CMSS1: variants seen among roughly 807,000 people sequenced by gnomAD.
CMSS1 encodes cms1 ribosomal small subunit homolog, also known as protein CMSS1.
In CMSS1, 33 loss-of-function variants were observed where a neutral mutation model predicts 43.5. The observed-to-expected ratio is 0.76, with a 90% CI of 0.57 to 1.01. The LOEUF (loss-of-function observed/expected upper bound fraction) is 1.01. CMSS1 is among the 50% of genes least tolerant of loss of function. CMSS1 has a pLI of 0.00. For synonymous variants in CMSS1, 115 were observed against 117.2 expected (o/e 0.98, Z 0.12); for missense variants, 313 against 326.4 (o/e 0.96, Z 0.32).
chr3:100,114,762 A>T (rs919616335), intron 1 of CMSS1, among the ~76,000 whole-genome samples: 1 of 152,158 alleles, frequency 6.6e-6, no homozygotes, highest in Non-Finnish European at 1.5e-5. Flanking sequence ...ATGGACATTA[A>T]ATTGCACCTC....
At chr3:99,930,171 G>C in intron 1 of CMSS1, 1 of 693,866 alleles carries the variant, frequency 1.4e-6, no homozygotes, top group Non-Finnish European at 2.4e-6. Flanking sequence ...TTTATAAAAG[G>C]TAACAAAACT....
At chr3:100,116,995 A>C (rs533384239) in intron 1 of CMSS1, among the ~76,000 whole-genome samples, 1 of 152,202 alleles carries the variant, frequency 6.6e-6, no homozygotes, top group African/African-American at 2.4e-5. Flanking sequence ...ATGGCAAGGT[A>C]GGTATTAGAA....
chr3:100,047,510 C>A (rs1041234832), intron 1 of CMSS1, among the ~76,000 whole-genome samples: 1 of 152,124 alleles, frequency 6.6e-6, no homozygotes, highest in Non-Finnish European at 1.5e-5. Flanking sequence ...CTGAAACCAG[C>A]GAGGGTCATA....
intron 1 of CMSS1, among the ~76,000 whole-genome samples, chr3:99,944,793 T>C (rs1048757161): frequency 5.9e-5 from 9 of 152,158 alleles, no homozygotes; most frequent in Non-Finnish European, 1.0e-4. Context: ...CAGCACTGAC[T>C]ATATCAATAA....
At chr3:100,154,303 G>C (rs566661032) in intron 2 of CMSS1, among the ~76,000 whole-genome samples, 15 of 152,068 alleles carry the variant, frequency 9.9e-5, no homozygotes, top group Non-Finnish European at 1.9e-4. Context: ...AGTGATGTTT[G>C]TATAGTGTTC....
chr3:100,029,287 T>G (rs1172871726), intron 1 of CMSS1, among the ~76,000 whole-genome samples: 2 of 152,000 alleles, frequency 1.3e-5, no homozygotes, highest in Non-Finnish European at 2.9e-5. Flanking sequence ...AAAAATAAAT[T>G]TACTTATTTG....
intron 1 of CMSS1, among the ~76,000 whole-genome samples, chr3:100,087,073 T>A (rs1012355580): frequency 6.6e-6 from 1 of 152,258 alleles, no homozygotes; most frequent in African/African-American, 2.4e-5. Flanking sequence ...GTCATACAGC[T>A]GTACCATAGT....
At chr3:100,142,304 G>T (rs1197099296) in intron 1 of CMSS1, among the ~76,000 whole-genome samples, 2 of 151,328 alleles carry the variant, frequency 1.3e-5, no homozygotes, top group African/African-American at 2.4e-5. Flanking sequence ...AAAAATATTT[G>T]AAAAAAAATG....
chr3:100,178,184 ACT>A (rs1472006492), intron 9 of CMSS1, 119 bp from the exon 10 acceptor site: 1 of 580,178 alleles, frequency 1.7e-6, no homozygotes, highest in South Asian at 2.3e-5. Context: ...GGACTTTTGC[ACT>A]CTCTGATTCT....
At chr3:100,158,721 CT>C (rs1229723799) in intron 2 of CMSS1, among the ~76,000 whole-genome samples, 2 of 152,198 alleles carry the variant, frequency 1.3e-5, no homozygotes, top group East Asian at 3.8e-4. Context: ...TTTCGTTTTC[CT>C]GTGCATGATT....
At chr3:99,852,217 G>A (rs1198529165) in intron 1 of CMSS1, among the ~76,000 whole-genome samples, 1 of 152,152 alleles carries the variant, frequency 6.6e-6, no homozygotes, top group African/African-American at 2.4e-5. Flanking sequence ...TTGCAGTACT[G>A]TTATACAGAA....
At chr3:100,149,500 C>A (rs1454595584) in intron 2 of CMSS1, among the ~76,000 whole-genome samples, 1 of 152,206 alleles carries the variant, frequency 6.6e-6, no homozygotes, top group Non-Finnish European at 1.5e-5. Flanking sequence ...TGTTACTGCC[C>A]CCTTTTAATC....
intron 1 of CMSS1, among the ~76,000 whole-genome samples, chr3:99,877,261 AG>A (rs1445664038): frequency 6.6e-6 from 1 of 152,240 alleles, no homozygotes; most frequent in African/African-American, 2.4e-5. Context: ...ACATTAAAAT[AG>A]GATTGCTTCC....
At chr3:100,019,380 A>G (rs2064763520) in intron 1 of CMSS1, among the ~76,000 whole-genome samples, 1 of 152,178 alleles carries the variant, frequency 6.6e-6, no homozygotes, top group Non-Finnish European at 1.5e-5. Flanking sequence ...ATGAATTGAC[A>G]GGAGAGTAAC....
chr3:99,941,031 A>G (rs1172457122), intron 1 of CMSS1, among the ~76,000 whole-genome samples: 29 of 152,376 alleles, frequency 1.9e-4, no homozygotes, highest in Non-Finnish European at 7.3e-5. Context: ...TTATCTTCCT[A>G]TAACTGGCAG....
intron 2 of CMSS1, among the ~76,000 whole-genome samples, chr3:100,149,391 G>A (rs2107516276): frequency 6.6e-6 from 1 of 152,244 alleles, no homozygotes; most frequent in South Asian, 2.1e-4. Flanking sequence ...CTCTCTTTCA[G>A]CTCAGGAAAA....
At chr3:100,119,526 C>T (rs949628878) in intron 1 of CMSS1, among the ~76,000 whole-genome samples, 1 of 152,214 alleles carries the variant, frequency 6.6e-6, no homozygotes, top group Non-Finnish European at 1.5e-5. Flanking sequence ...GCAGAGTGCA[C>T]CTTCCACCTT....
At chr3:100,167,290 G>A (rs2067073144) in intron 5 of CMSS1, among the ~76,000 whole-genome samples, 1 of 152,140 alleles carries the variant, frequency 6.6e-6, no homozygotes, top group African/African-American at 2.4e-5. Flanking sequence ...AAAAGAAAAT[G>A]TATGTAAAGT....
intron 2 of CMSS1, among the ~76,000 whole-genome samples, chr3:100,151,756 C>G (rs2066910964): frequency 6.6e-6 from 1 of 152,142 alleles, no homozygotes; most frequent in African/African-American, 2.4e-5. Flanking sequence ...CTCTGGCCCC[C>G]CAGTGACTTA....
Sources: gnomAD v4.1 joint callset for allele counts (sites outside exome capture counted in the v4.1 genomes callset) on GRCh38, gnomAD v4.1.1 for gene constraint, MANE v1.5 for transcripts, NCBI Gene and HGNC (gene_info 2026-07-23, HGNC 2026-07-21) for gene names.